The following RPS6KA5 variants were observed in gnomAD, a reference collection of about 807,000 sequenced individuals.
RPS6KA5 encodes ribosomal protein S6 kinase A5.
A neutral mutation model predicts 85.5 loss-of-function variants in RPS6KA5; 27 were observed. That is an observed-to-expected ratio of 0.32 (90% confidence interval 0.23 to 0.44). RPS6KA5 has a LOEUF of 0.44. Ranked by LOEUF, RPS6KA5 falls within the 20% of genes least tolerant of loss-of-function variation. The pLI, the probability that RPS6KA5 is intolerant of heterozygous loss-of-function variation, is 1.00. For synonymous variants in RPS6KA5, 334 were observed against 348.2 expected (o/e 0.96, Z 0.46); for missense variants, 811 against 980.9 (o/e 0.83, Z 2.31).
chr14:90,984,978 T>C (rs373395862), intron 2 of RPS6KA5, among the ~76,000 whole-genome samples: 7 of 152,122 alleles, frequency 4.6e-5, no homozygotes, highest in African/African-American at 1.4e-4. Flanking sequence ...TTTGCTCCTG[T>C]TGCCCAGGCT....
intron 14 of RPS6KA5, among the ~76,000 whole-genome samples, chr14:90,876,701 C>T (rs898808180): frequency 2.0e-5 from 3 of 152,120 alleles, no homozygotes; most frequent in Admixed American, 6.6e-5. Flanking sequence ...GCGGCCCTAC[C>T]AGATGGTTTG....
intron 2 of RPS6KA5, among the ~76,000 whole-genome samples, chr14:90,985,448 T>C (rs1008905568): frequency 6.6e-6 from 1 of 152,234 alleles, no homozygotes; most frequent in South Asian, 2.1e-4. Flanking sequence ...ACGTCCTTCC[T>C]TGTTGTGCTC....
chr14:90,910,480 TGA>T (rs2035745017), intron 7 of RPS6KA5, among the ~76,000 whole-genome samples: 1 of 151,772 alleles, frequency 6.6e-6, no homozygotes, highest in Non-Finnish European at 1.5e-5. Context: ...AGTGAGTGTG[TGA>T]GTGTCCACTG....
chr14:91,011,241 A>T (rs925225264), intron 1 of RPS6KA5, among the ~76,000 whole-genome samples: 1 of 152,162 alleles, frequency 6.6e-6, no homozygotes, highest in Non-Finnish European at 1.5e-5. Flanking sequence ...TAATCCAAGC[A>T]CTTTGGGAGG....
rs763034102 is a variant in RPS6KA5, at chr14:90,923,237, G to C, written c.619-41C>G. 4.8e-6 allele frequency: 7 copies of C among 1,457,156 alleles called. No individual in the cohort carries two copies. In the Admixed American group the frequency reaches 1.0e-4, roughly 21 times the overall value. The allele number at this position is 1,457,156 out of a possible 1,614,324, so 90.3% of individuals were successfully genotyped here. On this transcript the variant is annotated intron_variant, in intron 5 of 16. Coordinates refer to ENST00000614987, the MANE Select transcript of RPS6KA5 (RefSeq NM_004755.4). The stretch of plus-strand genomic sequence containing the variant: ...AAAAAAGGGATTTGATTTCAAGCTA[G>C]TATGACAAGTGACAAAAGAAGAAAG...
intron 1 of RPS6KA5, among the ~76,000 whole-genome samples, chr14:91,023,888 G>C (rs758234430): frequency 6.6e-6 from 1 of 152,132 alleles, no homozygotes; most frequent in East Asian, 1.9e-4. Flanking sequence ...TGTTTGTTAT[G>C]AGAACTGATA....
At position 90,858,349 on chromosome 14, in the gene RPS6KA5, A is replaced by G. The variant is rs539522955; in HGVS notation, c.*13725T>C. 1 of 152,296 alleles carries G rather than the reference A, an allele frequency of 6.6e-6. No individual in the cohort carries two copies. The highest frequency in any genetic ancestry group is 1.9e-4 in the East Asian group (1 of 5,180). 9.4% of individuals were successfully genotyped at this position (152,296 alleles called of 1,614,324 possible). A position where few individuals can be genotyped will look rare whatever the true frequency, so the allele number is the denominator to read the frequency against. ...GAATTCATTAAATAAATCTCTGTCC[A>G]AGAACTGTTCGAGAATGATGTTAAC... On this transcript the variant is annotated 3_prime_UTR_variant, in exon 17 of 17. Transcript: ENST00000614987.
intron 1 of RPS6KA5, among the ~76,000 whole-genome samples, chr14:91,043,549 A>G (rs991139543): frequency 1.3e-5 from 2 of 152,212 alleles, no homozygotes; most frequent in African/African-American, 4.8e-5. Context: ...CTATACGTAG[A>G]TTGGAAGAAG....
At chr14:90,909,638 A>C (rs2035691944) in intron 7 of RPS6KA5, among the ~76,000 whole-genome samples, 1 of 152,236 alleles carries the variant, frequency 6.6e-6, no homozygotes, top group Non-Finnish European at 1.5e-5. Context: ...AATTCTAAGA[A>C]AGCAAATTGG....
chr14:90,999,954 T>C (rs1168527146), intron 2 of RPS6KA5, among the ~76,000 whole-genome samples: 1 of 152,136 alleles, frequency 6.6e-6, no homozygotes. Context: ...ACCATGTACA[T>C]CCCGGAGAAT....
chr14:90,870,753 C>T lies in RPS6KA5; in HGVS notation c.*1321G>A, dbSNP rs993765925. The T allele has an allele frequency of 6.8e-6, 1 of 147,568 alleles. No individual in the cohort carries two copies. Among genetic ancestry groups the T allele is most frequent in the African/African-American group, 2.5e-5 (1 of 40,044 alleles). The allele number at this position is 147,568 out of a possible 1,614,324, so 9.1% of individuals were successfully genotyped here. ...AAAAAATCACTTTTCTCAGTCCTGACATTTCACATGATGGCTTTAAAAGAA... is the reference window on the plus strand; with the variant it reads ...AAAAAATCACTTTTCTCAGTCCTGATATTTCACATGATGGCTTTAAAAGAA... On this transcript the variant is annotated 3_prime_UTR_variant, in exon 17 of 17. Transcript: ENST00000614987.
intron 1 of RPS6KA5, among the ~76,000 whole-genome samples, chr14:91,040,177 C>T (rs997109208): frequency 1.1e-4 from 17 of 152,146 alleles, no homozygotes; most frequent in Non-Finnish European, 1.9e-4. Flanking sequence ...GAGGCTGAGG[C>T]GGGCAGATCA....
At chr14:90,990,937 A>T (rs2040281360) in intron 2 of RPS6KA5, among the ~76,000 whole-genome samples, 1 of 152,156 alleles carries the variant, frequency 6.6e-6, no homozygotes, top group Non-Finnish European at 1.5e-5. Flanking sequence ...TATGCTCACT[A>T]CCTAGGTGAC....
intron 3 of RPS6KA5, among the ~76,000 whole-genome samples, chr14:90,973,013 C>T (rs1181085669): frequency 6.6e-6 from 1 of 152,222 alleles, no homozygotes; most frequent in African/African-American, 2.4e-5. Flanking sequence ...TGAGACACTA[C>T]TACTCACCTA....
rs1362777534 is a variant in RPS6KA5, at chr14:90,866,527, T to C, written c.*5547A>G. The C allele has an allele frequency of 6.6e-6, 1 of 152,218 alleles. No individual in the cohort carries two copies. Among genetic ancestry groups the C allele is most frequent in the Non-Finnish European group, 1.5e-5 (1 of 68,034 alleles). 9.4% of individuals were successfully genotyped at this position (152,218 alleles called of 1,614,324 possible). ...TATACTTTTAATTGTCCACATAGAA[T>C]AGAGGAAAAACAATGTTTTTCATCT... On this transcript the variant is annotated 3_prime_UTR_variant, in exon 17 of 17. Coordinates refer to ENST00000614987, the MANE Select transcript of RPS6KA5 (RefSeq NM_004755.4).
chr14:90,998,879 C>T (rs139866230), intron 2 of RPS6KA5, among the ~76,000 whole-genome samples: 3 of 152,232 alleles, frequency 2.0e-5, no homozygotes, highest in Admixed American at 2.0e-4. Context: ...ACAGCAGGGC[C>T]GTAGACATGA....
At chr14:91,049,491 T>C (rs1314227540) in intron 1 of RPS6KA5, among the ~76,000 whole-genome samples, 1 of 152,098 alleles carries the variant, frequency 6.6e-6, no homozygotes, top group Non-Finnish European at 1.5e-5. Context: ...GGCGGGCGCC[T>C]GTAGTCCCAG....
rs770831665 is a variant in RPS6KA5, at chr14:90,978,347, T to C, written c.353A>G (p.His118Arg). The C allele has an allele frequency of 5.0e-6, 8 of 1,613,322 alleles. No individual in the cohort carries two copies. The South Asian group carries it at 7.7e-5, about 16-fold the overall frequency. ...IRQSPFLVTL[H>R]YAFQTETKLH... is the part of the protein sequence containing the mutation. ...TTTGGTTTCTGTCTGGAAAGCATAA[T>C]GTAATGTTACCAAAAATGGCGACTG... The change falls in exon 3 of 17, where the codon CAT (histidine) becomes CGT (arginine). Residue 118 changes from histidine (H) to arginine (R), a missense_variant. His to Arg is a conservative substitution (Grantham distance 29). This residue lies in a region of RPS6KA5 where 48 missense variants were observed against 87.6 expected (regional missense o/e 0.55). Coordinates refer to ENST00000614987, the MANE Select transcript of RPS6KA5 (RefSeq NM_004755.4).
At chr14:90,950,277 T>A (rs763680231) in intron 3 of RPS6KA5, among the ~76,000 whole-genome samples, 6 of 152,268 alleles carry the variant, frequency 3.9e-5, no homozygotes, top group Non-Finnish European at 7.3e-5. Flanking sequence ...TGATCTTACA[T>A]ACTGCAATTC....
Sources: allele counts gnomAD v4.1 joint callset (sites outside exome capture counted in the v4.1 genomes callset), GRCh38; gene constraint gnomAD v4.1.1; regional missense constraint gnomAD v4.1.1; transcripts MANE v1.5; gene names NCBI Gene and HGNC (gene_info 2026-07-23, HGNC 2026-07-21).